The following FAM83B variants were observed in gnomAD, a reference collection of about 807,000 sequenced individuals.
The protein encoded by FAM83B is scaffolding CK1 anchoring protein B.
Under a neutral mutation model 38.8 loss-of-function variants are expected in FAM83B, and 26 were observed. The ratio of observed to expected loss-of-function variants is 0.67; its 90% CI spans 0.49 to 0.93. The LOEUF (loss-of-function observed/expected upper bound fraction) is 0.93, where lower values mean the gene tolerates loss of function less well. FAM83B is among the 40% of genes least tolerant of loss of function. The pLI is 0.00. For missense variants in FAM83B, 1,237 were observed against 1,197.3 expected, an observed-to-expected ratio of 1.03 and a Z score of -0.49; for synonymous variants, 419 against 423.1, an observed-to-expected ratio of 0.99 and a Z score of 0.12.
chr6:54,857,053 A>G (rs1771462071), intron 1 of FAM83B, among the ~76,000 whole-genome samples: 1 of 152,228 alleles, frequency 6.6e-6, no homozygotes, highest in South Asian at 2.1e-4. Flanking sequence ...CACTAAATGT[A>G]TGTAACAATT....
rs1466833128 is a variant in FAM83B at position 54,941,324 on chromosome 6, A to C, written c.2353A>C (p.Lys785Gln). 1 of 1,612,508 alleles carries C rather than the reference A, an allele frequency of 6.2e-7. No homozygotes were observed. Among genetic ancestry groups the C allele is most frequent in the East Asian group, 2.2e-5 (1 of 44,866 alleles). ...LRSLLSLTPD[K>Q]KENLSKNKAP... Reference sequence around the variant, plus strand: ...GTCATTACTTAGCCTTACCCCAGATAAGAAAGAAAATCTATCCAAAAATAA... The same window carrying C: ...GTCATTACTTAGCCTTACCCCAGATCAGAAAGAAAATCTATCCAAAAATAA... Residue 785 changes from lysine (K) to glutamine (Q), a missense_variant, in exon 5 of 5, where the codon AAG (lysine) becomes CAG (glutamine). By Grantham distance (53) the Lys-to-Gln change is moderately conservative. Coordinates refer to ENST00000306858, the MANE Select transcript of FAM83B (RefSeq NM_001010872.3).
At chr6:54,861,668 A>G (rs553070585) in intron 1 of FAM83B, among the ~76,000 whole-genome samples, 3 of 152,334 alleles carry the variant, frequency 2.0e-5, no homozygotes, top group African/African-American at 7.2e-5. Context: ...AGAAGCAATG[A>G]ATCCCAGGTA....
chr6:54,855,275 A>G (rs1190999644), intron 1 of FAM83B, among the ~76,000 whole-genome samples: 1 of 152,202 alleles, frequency 6.6e-6, no homozygotes, highest in Non-Finnish European at 1.5e-5. Flanking sequence ...TCTCTCATGC[A>G]GAAAAGTTCA....
chr6:54,888,488 T>G (rs1238753716), intron 2 of FAM83B, among the ~76,000 whole-genome samples: 2 of 152,038 alleles, frequency 1.3e-5, no homozygotes, highest in East Asian at 1.9e-4. Context: ...TTCTCCTTCC[T>G]TTTTCCAGAT....
At chr6:54,892,531 T>C (rs1772429803) in intron 2 of FAM83B, among the ~76,000 whole-genome samples, 1 of 151,976 alleles carries the variant, frequency 6.6e-6, no homozygotes, top group South Asian at 2.1e-4. Context: ...TATTTAGTTT[T>C]CTGTTTCTGT....
At chr6:54,913,219 A>G (rs191553909) in intron 2 of FAM83B, among the ~76,000 whole-genome samples, 168 of 152,234 alleles carry the variant, frequency 1.1e-3, no homozygotes, top group African/African-American at 3.7e-3. Flanking sequence ...TAAGGTCAAC[A>G]TAAATTAAAA....
At chr6:54,856,124 G>T (rs1771440635) in intron 1 of FAM83B, among the ~76,000 whole-genome samples, 1 of 152,148 alleles carries the variant, frequency 6.6e-6, no homozygotes, top group Non-Finnish European at 1.5e-5. Flanking sequence ...GAGAGACTAA[G>T]TGAGGAGCCC....
chr6:54,891,551 G>A (rs987676988), intron 2 of FAM83B, among the ~76,000 whole-genome samples: 4 of 152,090 alleles, frequency 2.6e-5, no homozygotes, highest in Non-Finnish European at 5.9e-5. Context: ...ACCTGATGTG[G>A]CCTGTCTTCT....
intron 1 of FAM83B, 84 bp downstream of exon 1, chr6:54,846,910 G>GGGGA (rs1554142388): frequency 6.6e-6 from 1 of 151,632 alleles, no homozygotes; most frequent in African/African-American, 2.4e-5. Context: ...TGGGGTACTG[G>GGGGA]GGGGGCCCGG....
intron 2 of FAM83B, among the ~76,000 whole-genome samples, chr6:54,903,117 G>A (rs1259556409): frequency 6.6e-6 from 1 of 151,732 alleles, no homozygotes; most frequent in Non-Finnish European, 1.5e-5. Flanking sequence ...TCAATAAGTG[G>A]GTTTATTTCA....
intron 2 of FAM83B, among the ~76,000 whole-genome samples, chr6:54,903,721 T>G (rs1270932097): frequency 2.0e-5 from 3 of 152,146 alleles, no homozygotes; most frequent in African/African-American, 7.2e-5. Flanking sequence ...AACTCATTCT[T>G]TATTTTTTTC....
intron 1 of FAM83B, among the ~76,000 whole-genome samples, chr6:54,847,132 C>T (rs1274492565): frequency 6.6e-6 from 1 of 152,022 alleles, no homozygotes; most frequent in African/African-American, 2.4e-5. Flanking sequence ...AGGACTGGCG[C>T]CGCCCCTCGT....
intron 2 of FAM83B, among the ~76,000 whole-genome samples, chr6:54,880,097 T>C (rs151176279): frequency 1.7e-3 from 257 of 152,362 alleles, no homozygotes; most frequent in Middle Eastern, 6.8e-3. Flanking sequence ...AGTCTACCTA[T>C]GCTTATTGAG....
At chr6:54,921,891 A>T (rs533028166) in intron 2 of FAM83B, among the ~76,000 whole-genome samples, 265 of 149,668 alleles carry the variant, frequency 1.8e-3, no homozygotes, top group African/African-American at 6.0e-3. Context: ...CCCATCATTT[A>T]AAAAAAAAAG....
At chr6:54,888,308 A>G (rs1339797502) in intron 2 of FAM83B, among the ~76,000 whole-genome samples, 1 of 151,808 alleles carries the variant, frequency 6.6e-6, no homozygotes, top group East Asian at 1.9e-4. Flanking sequence ...CATTAGTTAT[A>G]TATACATATT....
intron 2 of FAM83B, among the ~76,000 whole-genome samples, chr6:54,915,583 G>A (rs1773016372): frequency 1.1e-5 from 1 of 91,062 alleles, no homozygotes; most frequent in South Asian, 3.3e-4. Flanking sequence ...GAGGCGGGTG[G>A]ATCATGAGGT....
At chr6:54,859,222 C>A (rs959350219) in intron 1 of FAM83B, among the ~76,000 whole-genome samples, 3 of 152,034 alleles carry the variant, frequency 2.0e-5, no homozygotes. Flanking sequence ...CCACCATGCC[C>A]AGCTAACTTT....
chr6:54,856,180 A>G (rs553665080), intron 1 of FAM83B, among the ~76,000 whole-genome samples: 35 of 152,270 alleles, frequency 2.3e-4, no homozygotes, highest in Non-Finnish European at 5.0e-4. Context: ...GGAGTGGAAA[A>G]AGCAAGATTT....
intron 2 of FAM83B, among the ~76,000 whole-genome samples, chr6:54,887,155 A>C (rs1406293380): frequency 1.5e-5 from 2 of 135,954 alleles, no homozygotes; most frequent in Non-Finnish European, 3.1e-5. Context: ...TTTGAAAAAC[A>C]TAATTAACCC....
Sources: gnomAD v4.1 joint callset for allele counts (sites outside exome capture counted in the v4.1 genomes callset) on GRCh38, gnomAD v4.1.1 for gene constraint, MANE v1.5 for transcripts, NCBI Gene and HGNC (gene_info 2026-07-23, HGNC 2026-07-21) for gene names.